The following SRPRB variants were observed in gnomAD, a reference collection of about 807,000 sequenced individuals.
SRPRB encodes the protein SRP receptor subunit beta, also known as signal recognition particle receptor subunit beta.
A neutral mutation model predicts 31.9 loss-of-function variants in SRPRB; 20 were observed. The observed-to-expected ratio is 0.63, with a 90% CI of 0.44 to 0.91. SRPRB has a LOEUF of 0.91. SRPRB is among the 40% of genes least tolerant of loss of function. SRPRB has a pLI of 0.00. For missense variants in SRPRB, 321 were observed against 324.9 expected, an observed-to-expected ratio of 0.99 and a Z score of 0.09; for synonymous variants, 146 against 132.8, an observed-to-expected ratio of 1.10 and a Z score of -0.68.
At chr3:133,809,426 A>G (rs991838430) in intron 3 of SRPRB, among the ~76,000 whole-genome samples, 5 of 152,284 alleles carry the variant, frequency 3.3e-5, no homozygotes, top group South Asian at 4.1e-4. Context: ...TCATGCCTCC[A>G]GAATTAAAGA....
downstream of SRPRB, chr3:133,825,681 C>CT (rs1215552600): frequency 6.6e-6 from 1 of 152,192 alleles, no homozygotes; most frequent in Non-Finnish European, 1.5e-5. Context: ...CTTTTTCCAT[C>CT]TTACACTCAA....
intron 3 of SRPRB, among the ~76,000 whole-genome samples, chr3:133,809,454 G>A (rs1308956698): frequency 3.3e-5 from 5 of 151,992 alleles, no homozygotes; most frequent in Non-Finnish European, 5.9e-5. Context: ...GAAAAATAAA[G>A]GGACATGTTT....
rs539778137 is a variant in SRPRB at position 133,814,603 on chromosome 3, T to C, written c.411-987T>C. Among the ~76,000 whole-genome samples, 3 of 152,160 alleles carry C rather than the reference T, an allele frequency of 2.0e-5. No individual in the cohort carries two copies. The East Asian group carries it at 5.8e-4, about 29-fold the overall frequency. The stretch of plus-strand genomic sequence containing the variant: ...ACAGGCTCCCGCCACCATATCTGGC[T>C]AATTGTTATATTTTTAGTAGAGATT... On this transcript the variant is annotated intron_variant, in intron 4 of 6. Transcript: ENST00000678299.
At chr3:133,800,981 G>A (rs1935053024), upstream of SRPRB, among the ~76,000 whole-genome samples, 1 of 152,188 alleles carries the variant, frequency 6.6e-6, no homozygotes, top group South Asian at 2.1e-4. Flanking sequence ...AGATACTATA[G>A]GTAGAAAAAT....
intron 1 of SRPRB, chr3:133,795,286 T>C (rs1282229408): frequency 6.6e-6 from 1 of 152,236 alleles, no homozygotes; most frequent in Non-Finnish European, 1.5e-5. Context: ...CTCTCAACTC[T>C]TGGTATTATC....
At chr3:133,812,595 C>T (rs951484445) in intron 4 of SRPRB, among the ~76,000 whole-genome samples, 1 of 151,988 alleles carries the variant, frequency 6.6e-6, no homozygotes, top group South Asian at 2.1e-4. Context: ...TTTTTTTAAT[C>T]CTACTTTCTG....
chr3:133,799,498 A>G (rs1576378382), intron 1 of SRPRB, among the ~76,000 whole-genome samples: 1 of 152,214 alleles, frequency 6.6e-6, no homozygotes, highest in East Asian at 1.9e-4. Flanking sequence ...ACAGTTACAT[A>G]TGAGCAGTAG....
Position 133,819,545 on chromosome 3 carries a change from C to A in SRPRB, c.603-8C>A, listed in dbSNP as rs759383728. 6.2e-7 allele frequency: 1 copy of A among 1,603,666 alleles called. No individual in the cohort carries two copies. ...TTGCCTCCTGACTTCTTTCCTTTTGCCCCACAGCAACACCTTACGAGTTAC... is the reference window on the plus strand; with the variant it reads ...TTGCCTCCTGACTTCTTTCCTTTTGACCCACAGCAACACCTTACGAGTTAC... On this transcript the variant is annotated splice_polypyrimidine_tract_variant and splice_region_variant and intron_variant, in intron 6 of 6. Coordinates refer to ENST00000678299, the MANE Select transcript of SRPRB (RefSeq NM_001379313.1).
intron 1 of SRPRB, among the ~76,000 whole-genome samples, chr3:133,798,092 T>C (rs1056624448): frequency 7.9e-5 from 12 of 152,260 alleles, no homozygotes; most frequent in African/African-American, 2.9e-4. Flanking sequence ...ATGAATGTCC[T>C]GAGGAGACAA....
At chr3:133,823,199 C>T (rs1935501548), downstream of SRPRB, among the ~76,000 whole-genome samples, 1 of 152,210 alleles carries the variant, frequency 6.6e-6, no homozygotes, top group South Asian at 2.1e-4. Context: ...CCAGTGTTCC[C>T]ATGATGCTGA....
At chr3:133,818,664 T>C (rs1484752189) in intron 6 of SRPRB, among the ~76,000 whole-genome samples, 6 of 152,182 alleles carry the variant, frequency 3.9e-5, no homozygotes, top group Admixed American at 6.5e-5. Context: ...TTAAAAAATA[T>C]TAAAATGAAT....
intron 2 of SRPRB, 38 bp from the exon 3 acceptor site, chr3:133,807,708 T>G (rs1288778841): frequency 5.7e-6 from 8 of 1,400,824 alleles, no homozygotes; most frequent in Middle Eastern, 1.8e-4. Flanking sequence ...GGTGTGCTAT[T>G]AAAATGTTGA....
chr3:133,813,580 A>G (rs1311122724), intron 4 of SRPRB, among the ~76,000 whole-genome samples: 1 of 152,262 alleles, frequency 6.6e-6, no homozygotes, highest in East Asian at 1.9e-4. Flanking sequence ...TTTTTATACT[A>G]TTCTATTTTT....
chr3:133,809,207 G>T (rs1935215792), intron 3 of SRPRB, among the ~76,000 whole-genome samples: 1 of 152,024 alleles, frequency 6.6e-6, no homozygotes, highest in Non-Finnish European at 1.5e-5. Flanking sequence ...TGGCCAGGCT[G>T]GTCTTGAACT....
chr3:133,811,080 T>C, intron 3 of SRPRB, 37 bp from the exon 4 acceptor site: 1 of 1,601,614 alleles, frequency 6.2e-7, no homozygotes, highest in Non-Finnish European at 8.6e-7. Context: ...AACGTGGAAC[T>C]GTATTGAAAC....
At chr3:133,818,785 A>AGTGTGTGT (rs146467727) in intron 6 of SRPRB, among the ~76,000 whole-genome samples, 3,430 of 144,156 alleles carry the variant, frequency 0.024, 63 homozygotes, top group African/African-American at 0.043. Flanking sequence ...ATACTTTTAC[A>AGTGTGTGT]GTGTGTGTGT....
At chr3:133,819,376 C>G (rs933587953) in intron 6 of SRPRB, among the ~76,000 whole-genome samples, 177 bp from the exon 7 acceptor site, 1 of 147,332 alleles carries the variant, frequency 6.8e-6, no homozygotes, top group Non-Finnish European at 1.5e-5. Context: ...CCACCTACCT[C>G]ACCTCTCTGT....
upstream of SRPRB, among the ~76,000 whole-genome samples, chr3:133,802,708 C>T (rs567345859): frequency 2.8e-4 from 43 of 152,282 alleles, no homozygotes; most frequent in Middle Eastern, 3.4e-3. Flanking sequence ...TCATGTTCTC[C>T]ATGATTTTAA....
In SRPRB at chr3:133,820,201, G is replaced by A. The variant is rs1935446101; in HGVS notation, c.*435G>A. On this transcript the variant is annotated 3_prime_UTR_variant, in exon 7 of 7. Coordinates refer to ENST00000678299, the MANE Select transcript of SRPRB (RefSeq NM_001379313.1). ...TGCACTATTTCCAGTTGCCTCTGAA[G>A]TTCACAGGCAATACATTGTCTAGTC... 1 of 182,328 alleles carries A rather than the reference G, an allele frequency of 5.5e-6. No individual in the cohort carries two copies. Among genetic ancestry groups the A allele is most frequent in the Admixed American group, 5.3e-5 (1 of 18,698 alleles). The allele number at this position is 182,328 out of a possible 1,614,324, so 11.3% of individuals were successfully genotyped here. A position where few individuals can be genotyped will look rare whatever the true frequency, so the allele number is the denominator to read the frequency against.
Sources: gnomAD v4.1 joint callset for allele counts (sites outside exome capture counted in the v4.1 genomes callset) on GRCh38, gnomAD v4.1.1 for gene constraint, MANE v1.5 for transcripts, NCBI Gene and HGNC (gene_info 2026-07-23, HGNC 2026-07-21) for gene names.